Variants in SYNE2 observed in about 807,000 individuals in gnomAD.
SYNE2 encodes the protein nesprin-2.
Under a neutral mutation model 856.3 loss-of-function variants are expected in SYNE2, and 431 were observed. The ratio of observed to expected loss-of-function variants is 0.50; its 90% CI spans 0.47 to 0.55. SYNE2 has a LOEUF of 0.55. Among genes scored for constraint, SYNE2 ranks in the 20% least tolerant of loss-of-function variants. The probability of loss-of-function intolerance (pLI) is 0.00; values close to 1 mark genes in which losing one functional copy is unlikely to be tolerated. For missense variants in SYNE2, 8,129 were observed against 8,023.2 expected (o/e 1.01, Z -0.50); for synonymous variants, 2,923 against 2,872.3 (o/e 1.02, Z -0.56).
chr14:64,173,776 T>A, intron 94 of SYNE2: 1 of 531,766 alleles, frequency 1.9e-6, no homozygotes, highest in Non-Finnish European at 3.3e-6. Context: ...GAAAACATAT[T>A]TAGAACAGAC....
chr14:63,777,949 T>C (rs1887168702), intron 1 of SYNE2, among the ~76,000 whole-genome samples: 1 of 152,208 alleles, frequency 6.6e-6, no homozygotes, highest in Non-Finnish European at 1.5e-5. Context: ...ATTACAGGCA[T>C]GAATCACCAT....
Position 64,034,185 on chromosome 14 carries a change from T to C in SYNE2, c.7221+2828T>C, listed in dbSNP as rs144545426. On this transcript the variant is annotated intron_variant, in intron 45 of 115. Coordinates refer to ENST00000555002, the MANE Select transcript of SYNE2 (RefSeq NM_182914.3). ...CAATATAATGAATACGTAGGACACATAAAGGCACAGTTTACTGAATTATAA... is the reference window on the plus strand; with the variant it reads ...CAATATAATGAATACGTAGGACACACAAAGGCACAGTTTACTGAATTATAA... 4.7e-4 allele frequency among the ~76,000 whole-genome samples: 71 copies of C among 152,304 alleles called. 2 individuals are homozygous for C. In the East Asian group the frequency reaches 9.4e-3, roughly 20 times the overall value.
At chr14:63,864,513 G>C (rs762477944) in intron 1 of SYNE2, 2 of 152,182 alleles carry the variant, frequency 1.3e-5, no homozygotes, top group Admixed American at 6.5e-5. Context: ...TCTTGCAGTC[G>C]GTCATGTGTT....
chr14:64,109,050 A>AT (rs2097788992), intron 65 of SYNE2, among the ~76,000 whole-genome samples: 1 of 151,496 alleles, frequency 6.6e-6, no homozygotes, highest in South Asian at 2.1e-4. Flanking sequence ...TAATTTTTGT[A>AT]TTTTTTCAGA....
chr14:64,020,968 C>T (rs560988159), intron 35 of SYNE2, among the ~76,000 whole-genome samples: 9 of 152,086 alleles, frequency 5.9e-5, no homozygotes, highest in Admixed American at 3.3e-4. Flanking sequence ...CAATAAAAAG[C>T]AGGCTGTTTA....
intron 45 of SYNE2, among the ~76,000 whole-genome samples, chr14:64,033,883 A>C (rs1329260870): frequency 1.3e-5 from 2 of 152,164 alleles, no homozygotes; most frequent in African/African-American, 4.8e-5. Flanking sequence ...ACAGATAACT[A>C]GTTTTTATTC....
At chr14:64,164,156 C>A (rs552387755) in intron 89 of SYNE2, among the ~76,000 whole-genome samples, 12 of 151,892 alleles carry the variant, frequency 7.9e-5, no homozygotes, top group African/African-American at 2.9e-4. Flanking sequence ...GTCGCCCAGG[C>A]TGGAGTACAG....
chr14:63,869,964 A>G (rs992035182), intron 1 of SYNE2, among the ~76,000 whole-genome samples: 3 of 152,056 alleles, frequency 2.0e-5, no homozygotes, highest in African/African-American at 7.2e-5. Context: ...TGTTCTCCAA[A>G]TGTCTTCATC....
chr14:63,928,283 G>A (rs1566822719), intron 2 of SYNE2, among the ~76,000 whole-genome samples: 1 of 152,214 alleles, frequency 6.6e-6, no homozygotes, highest in African/African-American at 2.4e-5. Flanking sequence ...GAATGCTGAA[G>A]TTGACAGGCA....
At chr14:64,103,740 T>C (rs760098233) in intron 64 of SYNE2, among the ~76,000 whole-genome samples, 1 of 152,128 alleles carries the variant, frequency 6.6e-6, no homozygotes, top group Non-Finnish European at 1.5e-5. Flanking sequence ...GTGGCCCCAC[T>C]ACTTCAAACA....
At chr14:64,213,323 G>C (rs1193452758) in intron 105 of SYNE2, among the ~76,000 whole-genome samples, 1 of 152,102 alleles carries the variant, frequency 6.6e-6, no homozygotes, top group Non-Finnish European at 1.5e-5. Context: ...GAACTCTTCT[G>C]GCTTTTATTA....
chr14:64,203,077 T>C (rs2098584096), intron 100 of SYNE2, 114 bp downstream of exon 100: 12 of 1,417,932 alleles, frequency 8.5e-6, no homozygotes, highest in Non-Finnish European at 1.1e-5. Flanking sequence ...ATAACATTGG[T>C]TTGCTTTTTC....
At chr14:64,157,891 T>C (rs1406462525) in intron 85 of SYNE2, among the ~76,000 whole-genome samples, 1 of 152,240 alleles carries the variant, frequency 6.6e-6, no homozygotes, top group Non-Finnish European at 1.5e-5. Context: ...GGGGAAATGT[T>C]TAGTCACTTC....
In SYNE2 at chr14:64,081,483, G is replaced by C. The variant is rs536705002; in HGVS notation, c.11387G>C (p.Ser3796Thr). The C allele has an allele frequency of 1.9e-6, 3 of 1,614,204 alleles. No homozygotes were observed. The highest frequency in any genetic ancestry group is 1.7e-5 in the Admixed American group (1 of 60,020). ...KMEEYSDLLK[S>T]TEAWIENTSH... Reference sequence around the variant, plus strand: ...GAGGAATATAGTGACCTTCTGAAGAGCACTGAGGCTTGGATAGAAAATACC... The same window carrying C: ...GAGGAATATAGTGACCTTCTGAAGACCACTGAGGCTTGGATAGAAAATACC... Residue 3796 changes from serine to threonine, a missense_variant, in exon 57 of 116, where the codon AGC (serine) becomes ACC (threonine). Coordinates refer to ENST00000555002, the MANE Select transcript of SYNE2 (RefSeq NM_182914.3).
chr14:64,121,897 GTAAT>G (rs1375347349), intron 68 of SYNE2, 111 bp from the exon 69 acceptor site: 1 of 1,357,690 alleles, frequency 7.4e-7, no homozygotes, highest in Non-Finnish European at 1.0e-6. Flanking sequence ...AAGAGAAATA[GTAAT>G]TAATGATTTA....
rs2097034759 is a variant in SYNE2 at position 64,031,508 on chromosome 14, TC to T, written c.7221+152del. The T allele has an allele frequency of 8.2e-5, 61 of 741,024 alleles. 3 individuals carry two copies. The South Asian group carries it at 9.3e-4, about 11-fold the overall frequency. The allele number at this position is 741,024 out of a possible 1,614,324, so 45.9% of individuals were successfully genotyped here. The stretch of plus-strand genomic sequence containing the variant: ...TATGAAGCCTACTTGTAAAAAGAGC[TC>T]TTAGAAAATTGTCCAGGATTTCAGT... On this transcript the variant is annotated intron_variant, in intron 45 of 115. Transcript: ENST00000555002.
At position 64,020,054 on chromosome 14, in the gene SYNE2, G is replaced by T. The variant is rs1218936974; in HGVS notation, c.5112G>T (p.Gln1704His). ...SEFSRRVAEI[Q>H]FLLQSSEIPL... ...TTTCTAGAAGAGTGGCTGAAATACA[G>T]TTTTTGCTCCAAAGCAGTGAAATAC... is the stretch of plus-strand genomic sequence containing the variant. Residue 1704 changes from glutamine (Q) to histidine (H), a missense_variant, in exon 35 of 116, where the codon CAG (glutamine) becomes CAT (histidine). Physicochemically the swap from Gln to His is conservative, Grantham distance 24. Coordinates refer to ENST00000555002, the MANE Select transcript of SYNE2 (RefSeq NM_182914.3). 1 of 1,613,994 alleles carries T rather than the reference G, an allele frequency of 6.2e-7. No homozygotes were observed. The highest frequency in any genetic ancestry group is 1.3e-5 in the African/African-American group (1 of 75,024).
intron 103 of SYNE2, among the ~76,000 whole-genome samples, chr14:64,210,758 C>T (rs368811133): frequency 8.5e-5 from 13 of 152,174 alleles, no homozygotes; most frequent in South Asian, 2.1e-4. Context: ...TTAATTTCTG[C>T]GTCTGTTCTC....
At chr14:64,173,522 T>A (rs773370117) in intron 94 of SYNE2, among the ~76,000 whole-genome samples, 1 of 152,206 alleles carries the variant, frequency 6.6e-6, no homozygotes, top group Non-Finnish European at 1.5e-5. Flanking sequence ...TTGATGTTTA[T>A]CAGCTCCCAT....
Sources: gnomAD v4.1 joint callset for allele counts (sites outside exome capture counted in the v4.1 genomes callset) on GRCh38, gnomAD v4.1.1 for gene constraint, MANE v1.5 for transcripts, NCBI Gene and HGNC (gene_info 2026-07-23, HGNC 2026-07-21) for gene names.